The following RIMKLB variants were observed in gnomAD, a reference collection of about 807,000 sequenced individuals.
RIMKLB encodes ribosomal modification protein rimK like family member B, also known as beta-citrylglutamate synthase B.
Under a neutral mutation model 32.0 loss-of-function variants are expected in RIMKLB, and 7 were observed. The ratio of observed to expected loss-of-function variants is 0.22; its 90% CI spans 0.12 to 0.41. RIMKLB has a LOEUF of 0.41. RIMKLB is among the 10% of genes least tolerant of loss of function. RIMKLB has a pLI of 1.00. For missense variants in RIMKLB, 289 were observed against 498.7 expected (o/e 0.58, Z 4.00); for synonymous variants, 172 against 185.1 (o/e 0.93, Z 0.57).
downstream of RIMKLB, among the ~76,000 whole-genome samples, chr12:8,781,404 CAA>C (rs747644004): frequency 2.0e-4 from 30 of 152,104 alleles, no homozygotes; most frequent in Admixed American, 7.2e-4. Context: ...TGGGAGATAA[CAA>C]AGAGTATAAT....
intron 1 of RIMKLB, among the ~76,000 whole-genome samples, chr12:8,704,670 C>T (rs529274921): frequency 5.3e-5 from 8 of 152,208 alleles, no homozygotes; most frequent in Admixed American, 1.3e-4. Flanking sequence ...GTCATTCTTC[C>T]GGAGGATGTG....
At chr12:8,686,778 G>A (rs1226273856) in intron 1 of RIMKLB, among the ~76,000 whole-genome samples, 3 of 152,134 alleles carry the variant, frequency 2.0e-5, no homozygotes, top group African/African-American at 7.2e-5. Context: ...CACCACACCC[G>A]GCCTCCACTG....
At chr12:8,770,681 A>C (rs1185998476) in intron 5 of RIMKLB, among the ~76,000 whole-genome samples, 1 of 152,184 alleles carries the variant, frequency 6.6e-6, no homozygotes, top group Non-Finnish European at 1.5e-5. Context: ...CTCATTCAAC[A>C]ACAATTCACA....
At chr12:8,684,615 T>C (rs1410669051) in intron 1 of RIMKLB, among the ~76,000 whole-genome samples, 1 of 149,640 alleles carries the variant, frequency 6.7e-6, no homozygotes, top group Non-Finnish European at 1.5e-5. Flanking sequence ...TTCATGTAAA[T>C]GTCCAGTTGT....
intron 1 of RIMKLB, among the ~76,000 whole-genome samples, chr12:8,711,573 G>T (rs1944381446): frequency 1.3e-5 from 2 of 151,864 alleles, no homozygotes; most frequent in African/African-American, 2.4e-5. Context: ...CAATGTGCAG[G>T]TTAGTTACAT....
chr12:8,764,386 TGTCTCTCCCTAACAA>T (rs1367051874), intron 5 of RIMKLB, among the ~76,000 whole-genome samples: 1 of 152,184 alleles, frequency 6.6e-6, no homozygotes, highest in African/African-American at 2.4e-5. Flanking sequence ...TTTGCTAGAA[TGTCTCTCCCTAACAA>T]GGGAGTGGGG....
upstream of RIMKLB, chr12:8,679,168 G>GT (rs1942362144): frequency 6.6e-6 from 1 of 152,116 alleles, no homozygotes; most frequent in Non-Finnish European, 1.5e-5. Flanking sequence ...TGTTTTCTGA[G>GT]CCATTTATTC....
intron 1 of RIMKLB, among the ~76,000 whole-genome samples, chr12:8,682,813 A>AAG (rs1360859599): frequency 2.7e-5 from 4 of 149,014 alleles, no homozygotes; most frequent in Non-Finnish European, 6.0e-5. Flanking sequence ...TAAAAAAAAA[A>AAG]AAAAAAAGAA....
At chr12:8,674,668 G>C in the RIMKLB span, among the ~76,000 whole-genome samples, 1 of 151,624 alleles carries the variant, frequency 6.6e-6, no homozygotes, top group Non-Finnish European at 1.5e-5. Flanking sequence ...TCCTGCCTGA[G>C]CCTCCCAAGT....
At chr12:8,742,666 C>T (rs1591836290) in intron 2 of RIMKLB, 1 of 223,530 alleles carries the variant, frequency 4.5e-6, no homozygotes, top group East Asian at 1.3e-4. Context: ...GTGATATATC[C>T]TCTAGGAATG....
intron 2 of RIMKLB, among the ~76,000 whole-genome samples, chr12:8,733,924 A>G (rs771520699): frequency 1.3e-5 from 2 of 152,238 alleles, no homozygotes; most frequent in East Asian, 3.9e-4. Flanking sequence ...TGATTTAGGT[A>G]GATTGTATGA....
intron 5 of RIMKLB, among the ~76,000 whole-genome samples, chr12:8,764,907 T>G (rs910422937): frequency 6.6e-6 from 1 of 151,234 alleles, no homozygotes; most frequent in Non-Finnish European, 1.5e-5. Flanking sequence ...CTCCAAAGTC[T>G]GCTTGCCTGA....
upstream of RIMKLB, among the ~76,000 whole-genome samples, chr12:8,695,694 CTTTTT>C (rs397951288): frequency 3.0e-5 from 4 of 132,764 alleles, no homozygotes; most frequent in African/African-American, 8.4e-5. Flanking sequence ...TGAATAGCAA[CTTTTT>C]TTTTTTTTTT....
At chr12:8,739,529 G>A (rs993255036) in intron 2 of RIMKLB, among the ~76,000 whole-genome samples, 6 of 152,096 alleles carry the variant, frequency 3.9e-5, no homozygotes, top group Non-Finnish European at 8.8e-5. Context: ...ACGCTGGTGC[G>A]CAATGATGCA....
At chr12:8,710,674 C>T (rs1944299452) in intron 1 of RIMKLB, among the ~76,000 whole-genome samples, 1 of 152,100 alleles carries the variant, frequency 6.6e-6, no homozygotes, top group South Asian at 2.1e-4. Context: ...ATTTCAGAAT[C>T]ATCGGGAACA....
chr12:8,676,645 C>T (rs917256985), upstream of RIMKLB, among the ~76,000 whole-genome samples: 3 of 151,752 alleles, frequency 2.0e-5, no homozygotes, highest in Non-Finnish European at 4.4e-5. Context: ...GTGGTCCACC[C>T]GCCTCGGCTT....
intron 2 of RIMKLB, among the ~76,000 whole-genome samples, chr12:8,745,744 G>T (rs1311842551): frequency 6.7e-6 from 1 of 149,084 alleles, no homozygotes; most frequent in African/African-American, 2.5e-5. Context: ...GCCGAGGCTG[G>T]AGTGCAGTGG....
the RIMKLB span, among the ~76,000 whole-genome samples, chr12:8,675,141 G>T: frequency 1.3e-5 from 2 of 152,200 alleles, no homozygotes; most frequent in Non-Finnish European, 2.9e-5. Flanking sequence ...GATTATAGGC[G>T]TAAGCCACCA....
rs1051691690 is a variant in RIMKLB, at chr12:8,750,013, C to A, written c.327C>A (p.Ile109=). ...GCRLMNRPQA[I]LNCVNKFWTF... ...GGTTAATGAACCGACCTCAAGCCAT[C>A]CTGAACTGCGTTAATAAGTTCTGGA... Residue 109 remains isoleucine (I), a synonymous_variant, in exon 3 of 6, where the codon ATC becomes ATA. Transcript: ENST00000535829. The A allele has an allele frequency of 1.2e-6, 2 of 1,614,066 alleles. No individual in the cohort carries two copies. Among genetic ancestry groups the A allele is most frequent in the Non-Finnish European group, 1.7e-6 (2 of 1,179,946 alleles).
Sources: gnomAD v4.1 joint callset for allele counts (sites outside exome capture counted in the v4.1 genomes callset) on GRCh38, gnomAD v4.1.1 for gene constraint, MANE v1.5 for transcripts, NCBI Gene and HGNC (gene_info 2026-07-23, HGNC 2026-07-21) for gene names.